The following LARGE1 variants were observed in gnomAD, a reference collection of about 807,000 sequenced individuals.
The protein encoded by LARGE1 is LARGE xylosyl- and glucuronyltransferase 1, also known as xylosyl- and glucuronyltransferase LARGE1.
In LARGE1, 43 loss-of-function variants were observed where a neutral mutation model predicts 87.6. That is an observed-to-expected ratio of 0.49 (90% CI 0.38 to 0.63). The LOEUF is 0.63. Among genes scored for constraint, LARGE1 ranks in the 30% least tolerant of loss-of-function variants. LARGE1 has a pLI of 0.00. For synonymous variants in LARGE1, 434 were observed against 394.6 expected (o/e 1.10, Z -1.18); for missense variants, 802 against 1,000.2 (o/e 0.80, Z 2.67).
At chr22:33,160,485 C>T (rs528538477), downstream of LARGE1, among the ~76,000 whole-genome samples, 4 of 152,300 alleles carry the variant, frequency 2.6e-5, no homozygotes, top group South Asian at 4.1e-4. Context: ...GAATACAATA[C>T]GATTCTCTTC....
chr22:33,245,932 C>G (rs1031031358), intron 11 of LARGE1, among the ~76,000 whole-genome samples: 1 of 151,984 alleles, frequency 6.6e-6, no homozygotes, highest in South Asian at 2.1e-4. Context: ...AACAAACAAA[C>G]AGAATTCATC....
At chr22:33,223,690 G>A (rs536617456) in intron 11 of LARGE1, among the ~76,000 whole-genome samples, 46 of 152,256 alleles carry the variant, frequency 3.0e-4, no homozygotes, top group Middle Eastern at 3.4e-3. Flanking sequence ...TCACCTACTG[G>A]ATTAGGCTTG....
chr22:33,533,689 T>G (rs2076960689), intron 6 of LARGE1, among the ~76,000 whole-genome samples: 1 of 152,216 alleles, frequency 6.6e-6, no homozygotes, highest in Non-Finnish European at 1.5e-5. Flanking sequence ...TAAAGTCATC[T>G]AAAAGAACCT....
chr22:33,662,434 A>G (rs1033556200), intron 2 of LARGE1, among the ~76,000 whole-genome samples: 1 of 152,134 alleles, frequency 6.6e-6, no homozygotes, highest in African/African-American at 2.4e-5. Context: ...TCTACAGTCA[A>G]CTGGCTTTGA....
chr22:33,526,888 G>A (rs2071925522), intron 6 of LARGE1, among the ~76,000 whole-genome samples: 1 of 152,204 alleles, frequency 6.6e-6, no homozygotes, highest in African/African-American at 2.4e-5. Flanking sequence ...CTCCCCTGCA[G>A]CTCACAGTTG....
chr22:33,337,242 G>A (rs1229383312), intron 10 of LARGE1, among the ~76,000 whole-genome samples: 1 of 152,106 alleles, frequency 6.6e-6, no homozygotes, highest in Non-Finnish European at 1.5e-5. Context: ...AGTTACTTGT[G>A]AAAAGCTCTT....
At chr22:33,722,865 AG>A (rs2083150109) in intron 2 of LARGE1, among the ~76,000 whole-genome samples, 1 of 152,188 alleles carries the variant, frequency 6.6e-6, no homozygotes, top group Admixed American at 6.5e-5. Flanking sequence ...CAGCATGGGT[AG>A]GCTGCTGATT....
At position 33,290,536 on chromosome 22, in the gene LARGE1, C is replaced by T. The variant is rs528917762; in HGVS notation, c.1731-7188G>A. Among the ~76,000 whole-genome samples, 8 of 152,264 alleles carry T rather than the reference C, an allele frequency of 5.3e-5. 1 individual carries two copies. The highest frequency in any genetic ancestry group is 1.9e-4 in the African/African-American group (8 of 41,564). Reference sequence around the variant, plus strand: ...AGATTGAAGAACCACAAAGAGACTGCGATGAGCACCTAAAAGCCAGGAGAA... The same window carrying T: ...AGATTGAAGAACCACAAAGAGACTGTGATGAGCACCTAAAAGCCAGGAGAA... On this transcript the variant is annotated intron_variant, in intron 12 of 14. Transcript: ENST00000397394.
intron 11 of LARGE1, among the ~76,000 whole-genome samples, chr22:33,205,181 A>G (rs1924615307): frequency 6.6e-6 from 1 of 152,192 alleles, no homozygotes; most frequent in Admixed American, 6.5e-5. Flanking sequence ...TCTGTCTGTA[A>G]TTAATCAACA....
At chr22:33,507,847 A>G (rs1220766598) in intron 6 of LARGE1, among the ~76,000 whole-genome samples, 1 of 152,176 alleles carries the variant, frequency 6.6e-6, no homozygotes, top group East Asian at 1.9e-4. Context: ...TGGTACCAGA[A>G]TTACATACCT....
At chr22:33,663,462 C>T (rs116261634) in intron 2 of LARGE1, among the ~76,000 whole-genome samples, 2,851 of 152,204 alleles carry the variant, frequency 0.019, 72 homozygotes, top group African/African-American at 0.057. Context: ...CCTCTGCAAG[C>T]TGAGAGGAAT....
intron 2 of LARGE1, among the ~76,000 whole-genome samples, chr22:33,721,443 T>C (rs1416090022): frequency 6.6e-6 from 1 of 152,194 alleles, no homozygotes; most frequent in East Asian, 1.9e-4. Flanking sequence ...AGGACTATTA[T>C]CAATTCATAC....
At chr22:33,673,167 C>G (rs1365444993) in intron 2 of LARGE1, among the ~76,000 whole-genome samples, 1 of 152,028 alleles carries the variant, frequency 6.6e-6, no homozygotes, top group East Asian at 1.9e-4. Flanking sequence ...CCCATCTACT[C>G]GGGAGTCTGA....
At chr22:33,173,942 G>A (rs137351) in intron 11 of LARGE1, among the ~76,000 whole-genome samples, 94,351 of 151,960 alleles carry the variant, frequency 0.62, 29,569 homozygotes, top group Middle Eastern at 0.69. Context: ...TGAGACAGAA[G>A]ATCAACATGA....
intron 11 of LARGE1, among the ~76,000 whole-genome samples, chr22:33,206,002 T>C (rs192164756): frequency 1.5e-4 from 21 of 141,776 alleles, no homozygotes; most frequent in Non-Finnish European, 3.0e-4. Flanking sequence ...TTGTCCAGGC[T>C]GGAGTGCAGT....
chr22:33,229,826 A>G (rs1467458735), intron 11 of LARGE1, among the ~76,000 whole-genome samples: 1 of 152,050 alleles, frequency 6.6e-6, no homozygotes, highest in Non-Finnish European at 1.5e-5. Flanking sequence ...ACCAATCCAT[A>G]TCTTAACACA....
chr22:33,518,453 C>A (rs536145747), intron 6 of LARGE1, among the ~76,000 whole-genome samples: 3 of 152,232 alleles, frequency 2.0e-5, no homozygotes, highest in Non-Finnish European at 4.4e-5. Flanking sequence ...TGAATAAAGG[C>A]ACATGCCACC....
intron 11 of LARGE1, among the ~76,000 whole-genome samples, chr22:33,199,419 T>C (rs1028040438): frequency 6.6e-6 from 1 of 152,204 alleles, no homozygotes; most frequent in Non-Finnish European, 1.5e-5. Flanking sequence ...AACTTAGTCA[T>C]AAATTATTTG....
intron 2 of LARGE1, among the ~76,000 whole-genome samples, chr22:33,751,479 C>CA: frequency 7.5e-6 from 1 of 133,522 alleles, no homozygotes; most frequent in East Asian, 2.1e-4. Context: ...ATTGAGACTC[C>CA]ATCTCAAAAA....
Sources: gnomAD v4.1 joint callset for allele counts (sites outside exome capture counted in the v4.1 genomes callset) on GRCh38, gnomAD v4.1.1 for gene constraint, MANE v1.5 for transcripts, NCBI Gene and HGNC (gene_info 2026-07-23, HGNC 2026-07-21) for gene names.